The following TXNRD2 variants were observed in gnomAD, a reference collection of about 807,000 sequenced individuals.
TXNRD2 encodes the protein thioredoxin reductase 2.
A neutral mutation model predicts 70.8 loss-of-function variants in TXNRD2; 67 were observed. The ratio of observed to expected loss-of-function variants is 0.95; its 90% CI spans 0.78 to 1.16. TXNRD2 has a LOEUF of 1.16. Ranked by LOEUF, TXNRD2 falls within the 50% of genes most tolerant of loss-of-function variation. The pLI, the probability that TXNRD2 is intolerant of heterozygous loss-of-function variation, is 0.00. For synonymous variants in TXNRD2, 301 were observed against 295.8 expected (o/e 1.02, Z -0.18); for missense variants, 644 against 719.9 (o/e 0.89, Z 1.21).
intron 14 of TXNRD2, 105 bp downstream of exon 14, chr22:19,880,074 G>A (rs1938693349): frequency 8.2e-7 from 1 of 1,214,432 alleles, no homozygotes; most frequent in African/African-American, 1.5e-5. Flanking sequence ...CAGGGCCCCT[G>A]GAAAGGAGAG....
Position 19,880,632 on chromosome 22 carries a change from T to C in TXNRD2, c.1172A>G (p.Asp391Gly), listed in dbSNP as rs752572812. 3.7e-6 allele frequency: 6 copies of C among 1,613,286 alleles called. No individual in the cohort carries two copies. The South Asian group carries it at 6.6e-5, about 18-fold the overall frequency. ...TGCTAGAGAACTCACATTGTCGTAG[T>C]CCATCAGATCTGAGGACCCGCCGAA... ...RLFGGSSDLM[D>G]YDNVPTTVFT... Residue 391 changes from aspartate (D) to glycine (G), a missense_variant, in exon 13 of 18, where the codon GAC becomes GGC. By Grantham distance (94) the Asp-to-Gly change is moderately conservative. Transcript: ENST00000400521.
At chr22:19,933,381 T>A (rs558127407) in intron 1 of TXNRD2, 1 of 1,200,486 alleles carries the variant, frequency 8.3e-7, no homozygotes, top group Admixed American at 2.3e-5. Flanking sequence ...TGGAGAAGCA[T>A]CTCTCTCCTC....
At chr22:19,921,525 G>C (rs1940917608) in intron 2 of TXNRD2, among the ~76,000 whole-genome samples, 1 of 152,066 alleles carries the variant, frequency 6.6e-6, no homozygotes, top group South Asian at 2.1e-4. Context: ...CAAAACCCAG[G>C]TAAAATGCAT....
chr22:19,891,949 G>A (rs1015716953), intron 11 of TXNRD2, among the ~76,000 whole-genome samples: 6 of 152,232 alleles, frequency 3.9e-5, no homozygotes, highest in Non-Finnish European at 7.3e-5. Flanking sequence ...CATGGTCCTC[G>A]CCAGCTGCGG....
rs1209069617 is a variant in TXNRD2 at position 19,918,142 on chromosome 22, C to T, written c.449+1G>A. ...CCCATTCCCGGAGAGAGCTTCAGTA[C>T]CTGTCCTGAAGCTGGACACGGTGGC... is the stretch of plus-strand genomic sequence containing the variant. On this transcript the variant is annotated splice_donor_variant, in intron 5 of 17. Coordinates refer to ENST00000400521, the MANE Select transcript of TXNRD2 (RefSeq NM_006440.5). LOFTEE classifies it high-confidence loss of function. 1 of 1,614,054 alleles carries T rather than the reference C, an allele frequency of 6.2e-7. No individual in the cohort carries two copies. Among genetic ancestry groups the T allele is most frequent in the East Asian group, 2.2e-5 (1 of 44,882 alleles).
chr22:19,914,971 G>C lies in TXNRD2; in HGVS notation c.591+243C>G, dbSNP rs145232439. On this transcript the variant is annotated intron_variant, in intron 7 of 17. Coordinates refer to ENST00000400521, the MANE Select transcript of TXNRD2 (RefSeq NM_006440.5). ...TGGTGTGGAAGGGGACAGATCCAGC[G>C]GGGCAGGGGGAGAGCAGAACGAGAG... is the stretch of plus-strand genomic sequence containing the variant. 3,031 of 517,662 alleles carry C rather than the reference G, an allele frequency of 5.9e-3. 20 individuals carry two copies. The highest frequency in any genetic ancestry group is 7.6e-3 in the Non-Finnish European group (2,129 of 280,920). 32.1% of individuals were successfully genotyped at this position (517,662 alleles called of 1,614,324 possible).
chr22:19,920,118 C>T (rs963954268), intron 2 of TXNRD2, among the ~76,000 whole-genome samples: 4 of 152,224 alleles, frequency 2.6e-5, no homozygotes, highest in African/African-American at 7.2e-5. Context: ...AGGACCAGGA[C>T]ACCAAAGCTC....
At chr22:19,904,160 G>A (rs915701696) in intron 8 of TXNRD2, among the ~76,000 whole-genome samples, 4 of 152,036 alleles carry the variant, frequency 2.6e-5, no homozygotes, top group Admixed American at 6.6e-5. Context: ...CAGCCAGAAC[G>A]TCCCCCGCCC....
At chr22:19,883,597 G>T in intron 11 of TXNRD2, 136 bp from the exon 12 acceptor site, 1 of 1,282,714 alleles carries the variant, frequency 7.8e-7, no homozygotes, top group Non-Finnish European at 1.1e-6. Flanking sequence ...CAGCACTGTA[G>T]GAGGACGAGG....
At chr22:19,895,057 C>A in intron 11 of TXNRD2, 1 of 1,583,034 alleles carries the variant, frequency 6.3e-7, no homozygotes, top group Non-Finnish European at 8.5e-7. Context: ...CCTTAATAAG[C>A]AATTGCTCAA....
At chr22:19,923,051 T>A (rs145282589) in intron 2 of TXNRD2, among the ~76,000 whole-genome samples, 1 of 152,294 alleles carries the variant, frequency 6.6e-6, no homozygotes, top group East Asian at 1.9e-4. Context: ...CTTCATAACA[T>A]CCTCACCAAG....
At chr22:19,882,767 T>C (rs1273429791) in intron 12 of TXNRD2, among the ~76,000 whole-genome samples, 8 of 152,304 alleles carry the variant, frequency 5.3e-5, no homozygotes, top group African/African-American at 1.9e-4. Flanking sequence ...TGGGGCCATG[T>C]GTAAGGAGGG....
rs184640901 is a variant in TXNRD2, at chr22:19,880,667, C to T, written c.1137G>A (p.Val379=). 2.5e-6 allele frequency: 4 copies of T among 1,613,406 alleles called. No individual in the cohort carries two copies. The highest frequency in any genetic ancestry group is 3.4e-6 in the Non-Finnish European group (4 of 1,179,998). ...CTGAGGACCCGCCGAAGAGCCGCTGCACCAGGAGCCTCCCGGCCATGATCG... is the reference window on the plus strand; with the variant it reads ...CTGAGGACCCGCCGAAGAGCCGCTGTACCAGGAGCCTCCCGGCCATGATCG... ...PIAIMAGRLL[V]QRLFGGSSDL... Residue 379 remains valine (V), a synonymous_variant, in exon 13 of 18, where the codon GTG becomes GTA. Transcript: ENST00000400521.
intron 1 of TXNRD2, among the ~76,000 whole-genome samples, chr22:19,936,942 G>C (rs1476430249): frequency 2.0e-5 from 3 of 152,150 alleles, no homozygotes; most frequent in Non-Finnish European, 2.9e-5. Context: ...TGCTCAAGGG[G>C]TACAAGTGTG....
intron 2 of TXNRD2, among the ~76,000 whole-genome samples, chr22:19,921,470 C>T (rs1038525392): frequency 6.6e-6 from 1 of 151,082 alleles, no homozygotes; most frequent in Non-Finnish European, 1.5e-5. Flanking sequence ...CATCTGACCA[C>T]GATGGAGCAG....
rs140353059 is a variant in TXNRD2, at chr22:19,909,455, C to T, written c.662+1922G>A. ...GTCCTGACCCCACACAAAGATGCCC[C>T]GTGAAGTGTGAAACAATGACAAGCA... On this transcript the variant is annotated intron_variant, in intron 8 of 17. Coordinates refer to ENST00000400521, the MANE Select transcript of TXNRD2 (RefSeq NM_006440.5). Among the ~76,000 whole-genome samples the T allele has an allele frequency of 2.0e-3, 309 of 151,858 alleles. 1 individual carries two copies. The highest frequency in any genetic ancestry group is 6.7e-3 in the African/African-American group (278 of 41,398).
chr22:19,909,120 C>T (rs1046849193), intron 8 of TXNRD2, among the ~76,000 whole-genome samples: 2 of 150,828 alleles, frequency 1.3e-5, no homozygotes, highest in African/African-American at 2.4e-5. Context: ...ACAGGAGAAT[C>T]GCTTGAACCC....
intron 1 of TXNRD2, among the ~76,000 whole-genome samples, chr22:19,934,523 A>G (rs1287357770): frequency 6.6e-6 from 1 of 151,988 alleles, no homozygotes; most frequent in Admixed American, 6.6e-5. Flanking sequence ...TCATTTCAAT[A>G]TGAACATTTA....
chr22:19,922,924 T>A (rs945413388), intron 2 of TXNRD2, among the ~76,000 whole-genome samples: 1 of 151,858 alleles, frequency 6.6e-6, no homozygotes, highest in Non-Finnish European at 1.5e-5. Flanking sequence ...CCTGATCTCA[T>A]GATCCGCCCA....
Sources: allele counts gnomAD v4.1 joint callset (sites outside exome capture counted in the v4.1 genomes callset), GRCh38; gene constraint gnomAD v4.1.1; transcripts MANE v1.5; gene names NCBI Gene and HGNC (gene_info 2026-07-23, HGNC 2026-07-21).